Variants in KCNH7 observed in about 807,000 individuals in gnomAD.
KCNH7 encodes voltage-gated inwardly rectifying potassium channel KCNH7.
In KCNH7, 49 loss-of-function variants were observed where a neutral mutation model predicts 120.8. That is an observed-to-expected ratio of 0.41 (90% confidence interval 0.32 to 0.51). The LOEUF is 0.51. Ranked by LOEUF, KCNH7 falls within the 20% of genes least tolerant of loss-of-function variation. The probability of loss-of-function intolerance (pLI) is 0.38; values close to 1 mark genes in which losing one functional copy is unlikely to be tolerated. For missense variants in KCNH7, 1,097 were observed against 1,446.6 expected, an observed-to-expected ratio of 0.76 and a Z score of 3.92; for synonymous variants, 547 against 516.1, an observed-to-expected ratio of 1.06 and a Z score of -0.81.
chr2:162,624,802 T>C (rs186475703), intron 2 of KCNH7, among the ~76,000 whole-genome samples: 1 of 152,044 alleles, frequency 6.6e-6, no homozygotes, highest in East Asian at 1.9e-4. Context: ...TCTAATTCCA[T>C]TGGCAGCTGA....
chr2:162,465,169 C>G (rs1689268264), intron 6 of KCNH7, among the ~76,000 whole-genome samples: 1 of 152,108 alleles, frequency 6.6e-6, no homozygotes, highest in Non-Finnish European at 1.5e-5. Context: ...CCAGGAAGCA[C>G]TGCTCTGAGA....
At chr2:162,397,043 C>T in intron 10 of KCNH7, 98 bp from the exon 11 acceptor site, 1 of 771,768 alleles carries the variant, frequency 1.3e-6, no homozygotes, top group South Asian at 1.7e-5. Context: ...TTGATCAATC[C>T]CTGAACCAGA....
At chr2:162,391,361 T>C (rs1485562543) in intron 12 of KCNH7, among the ~76,000 whole-genome samples, 1 of 152,084 alleles carries the variant, frequency 6.6e-6, no homozygotes, top group Non-Finnish European at 1.5e-5. Context: ...TTAAGAGAAT[T>C]AGATTTGGAT....
chr2:162,440,987 T>C (rs1257006255), intron 7 of KCNH7, among the ~76,000 whole-genome samples: 1 of 152,126 alleles, frequency 6.6e-6, no homozygotes, highest in Non-Finnish European at 1.5e-5. Flanking sequence ...TAGCAAAATG[T>C]AGACAATCAA....
intron 2 of KCNH7, among the ~76,000 whole-genome samples, chr2:162,821,485 A>G (rs1685119301): frequency 6.6e-6 from 1 of 152,204 alleles, no homozygotes; most frequent in African/African-American, 2.4e-5. Flanking sequence ...GAGTGGCTAC[A>G]TTTTTAAACT....
chr2:162,773,943 A>C (rs1339459212), intron 2 of KCNH7, among the ~76,000 whole-genome samples: 1 of 152,224 alleles, frequency 6.6e-6, no homozygotes, highest in Non-Finnish European at 1.5e-5. Flanking sequence ...ATTTATTTTC[A>C]ACACTCATAC....
intron 2 of KCNH7, among the ~76,000 whole-genome samples, chr2:162,592,874 A>G (rs1280813126): frequency 1.3e-5 from 2 of 152,122 alleles, no homozygotes; most frequent in African/African-American, 2.4e-5. Flanking sequence ...TTTGACATCC[A>G]CTAATCTACA....
At chr2:162,521,686 G>A (rs1330694850) in intron 3 of KCNH7, among the ~76,000 whole-genome samples, 1 of 151,852 alleles carries the variant, frequency 6.6e-6, no homozygotes, top group South Asian at 2.1e-4. Context: ...AATACATTGT[G>A]TAATGATCAA....
intron 2 of KCNH7, among the ~76,000 whole-genome samples, chr2:162,729,893 T>C (rs1687664051): frequency 6.6e-6 from 1 of 152,130 alleles, no homozygotes; most frequent in African/African-American, 2.4e-5. Flanking sequence ...TTTTTTTTCT[T>C]CATCTCCTGA....
At chr2:162,413,517 A>G (rs1283007819) in intron 9 of KCNH7, among the ~76,000 whole-genome samples, 1 of 152,184 alleles carries the variant, frequency 6.6e-6, no homozygotes, top group East Asian at 1.9e-4. Flanking sequence ...TGTAATGTGT[A>G]ACACAGGTGT....
At chr2:162,508,961 T>G (rs1004697890) in intron 5 of KCNH7, among the ~76,000 whole-genome samples, 4 of 151,576 alleles carry the variant, frequency 2.6e-5, no homozygotes, top group Admixed American at 1.3e-4. Context: ...GGACTTGATG[T>G]TCTTCAGAGA....
chr2:162,409,456 T>A (rs1687323524), intron 9 of KCNH7, among the ~76,000 whole-genome samples: 1 of 152,018 alleles, frequency 6.6e-6, no homozygotes, highest in South Asian at 2.1e-4. Flanking sequence ...TACAACTGAT[T>A]TCTTTCTAAC....
At chr2:162,393,330 G>A (rs1247674282) in intron 12 of KCNH7, among the ~76,000 whole-genome samples, 1 of 151,760 alleles carries the variant, frequency 6.6e-6, no homozygotes, top group African/African-American at 2.4e-5. Context: ...CTGAAGCTCA[G>A]GTGGTCTGGG....
intron 2 of KCNH7, among the ~76,000 whole-genome samples, chr2:162,595,814 A>T (rs2105941922): frequency 6.6e-6 from 1 of 152,184 alleles, no homozygotes; most frequent in East Asian, 1.9e-4. Context: ...GTATATAGAA[A>T]ACCCTAAATA....
rs1491000600 is a variant in KCNH7 at position 162,673,301 on chromosome 2, A to G, written c.308-136221T>C. Among the ~76,000 whole-genome samples the G allele has an allele frequency of 2.6e-5, 4 of 152,112 alleles. No individual in the cohort carries two copies. The East Asian group carries it at 7.7e-4, about 29-fold the overall frequency. ...TAAAATATAGCAAATGGTTTTATGT[A>G]AAATATAGCAAATCATATCTAGCAA... On this transcript the variant is annotated intron_variant, in intron 2 of 15. Transcript: ENST00000332142.
rs539347322 is a variant in KCNH7, at chr2:162,435,692, A to T, written c.1555-95T>A. On this transcript the variant is annotated intron_variant, in intron 7 of 15. Coordinates refer to ENST00000332142, the MANE Select transcript of KCNH7 (RefSeq NM_033272.4). ...GTGGACAAAAACAGGTTAAGACAAT[A>T]GGGTAGCATTAAGGATAACTGCCTA... The T allele has an allele frequency of 9.6e-6, 12 of 1,244,554 alleles. No individual in the cohort carries two copies. The East Asian group carries it at 2.9e-4, about 30-fold the overall frequency. The allele number at this position is 1,244,554 out of a possible 1,614,324, so 77.1% of individuals were successfully genotyped here.
intron 7 of KCNH7, among the ~76,000 whole-genome samples, chr2:162,439,350 A>C (rs548441185): frequency 3.3e-5 from 5 of 152,234 alleles, no homozygotes; most frequent in African/African-American, 1.2e-4. Context: ...TTATTGTTAT[A>C]AAATACAAAC....
chr2:162,481,798 A>G (rs1689936670), intron 6 of KCNH7, among the ~76,000 whole-genome samples: 1 of 152,214 alleles, frequency 6.6e-6, no homozygotes, highest in East Asian at 1.9e-4. Context: ...ATTAAATAAA[A>G]TGTGCAGTTT....
intron 2 of KCNH7, among the ~76,000 whole-genome samples, chr2:162,808,864 C>T (rs1458438484): frequency 6.6e-6 from 1 of 152,124 alleles, no homozygotes; most frequent in Non-Finnish European, 1.5e-5. Flanking sequence ...GTTCCAGGTG[C>T]AAAACAGTCA....
Sources: allele counts gnomAD v4.1 joint callset (sites outside exome capture counted in the v4.1 genomes callset), GRCh38; gene constraint gnomAD v4.1.1; transcripts MANE v1.5; gene names NCBI Gene and HGNC (gene_info 2026-07-23, HGNC 2026-07-21).